Variants in DLGAP2 observed in about 807,000 individuals in gnomAD.
DLGAP2 encodes the protein disks large-associated protein 2.
In DLGAP2, 26 loss-of-function variants were observed where a neutral mutation model predicts 100.3. That is an observed-to-expected ratio of 0.26 (90% confidence interval 0.19 to 0.36). The LOEUF is 0.36. DLGAP2 is among the 10% of genes least tolerant of loss of function. The probability of loss-of-function intolerance (pLI) is 1.00; values close to 1 mark genes in which losing one functional copy is unlikely to be tolerated. For missense variants in DLGAP2, 1,858 were observed against 1,453.2 expected, an observed-to-expected ratio of 1.28 and a Z score of -4.53; for synonymous variants, 886 against 630.1, an observed-to-expected ratio of 1.41 and a Z score of -6.08.
chr8:1,198,127 T>C (rs528975178), intron 2 of DLGAP2, among the ~76,000 whole-genome samples: 10 of 152,134 alleles, frequency 6.6e-5, no homozygotes, highest in African/African-American at 2.4e-4. Context: ...CGTGTGTGCG[T>C]GTGGGTGTGT....
At chr8:1,299,523 C>A (rs181954063) in intron 3 of DLGAP2, among the ~76,000 whole-genome samples, 1 of 152,168 alleles carries the variant, frequency 6.6e-6, no homozygotes, top group Non-Finnish European at 1.5e-5. Context: ...TAGGGAGGAA[C>A]GGTCCATGCC....
At chr8:1,315,849 C>G (rs79353904) in intron 3 of DLGAP2, among the ~76,000 whole-genome samples, 6,028 of 45,822 alleles carry the variant, frequency 0.13, no homozygotes, top group East Asian at 0.24. Context: ...AAAATAGAGC[C>G]TGTGCGAGTG....
At chr8:1,145,210 C>G (rs996816944) in intron 2 of DLGAP2, among the ~76,000 whole-genome samples, 1 of 152,082 alleles carries the variant, frequency 6.6e-6, no homozygotes, top group African/African-American at 2.4e-5. Flanking sequence ...CAGCTTCCCT[C>G]CAGCCACTGT....
intron 3 of DLGAP2, among the ~76,000 whole-genome samples, chr8:1,496,847 G>A (rs1799563269): frequency 6.6e-6 from 1 of 152,222 alleles, no homozygotes; most frequent in South Asian, 2.1e-4. Context: ...TGCTGGAGGA[G>A]GGTTGGGTGT....
chr8:948,589 G>T (rs1312180234), intron 2 of DLGAP2, among the ~76,000 whole-genome samples: 1 of 152,240 alleles, frequency 6.6e-6, no homozygotes, highest in Non-Finnish European at 1.5e-5. Context: ...GAAGTAAGCG[G>T]TGACAGTGGG....
intron 3 of DLGAP2, among the ~76,000 whole-genome samples, chr8:1,327,337 G>A (rs1032816956): frequency 2.0e-5 from 3 of 152,228 alleles, no homozygotes; most frequent in Non-Finnish European, 4.4e-5. Context: ...GGGGACTGCA[G>A]TGGGTTTCAT....
intron 1 of DLGAP2, among the ~76,000 whole-genome samples, chr8:829,590 G>A (rs149511991): frequency 1.6e-4 from 24 of 152,190 alleles, no homozygotes; most frequent in East Asian, 5.8e-4. Flanking sequence ...TCTAGAAATC[G>A]TGAAAACTAT....
At chr8:1,050,723 G>A (rs1034460259) in intron 2 of DLGAP2, among the ~76,000 whole-genome samples, 5 of 152,160 alleles carry the variant, frequency 3.3e-5, no homozygotes, top group African/African-American at 9.7e-5. Context: ...ACATTTTAAA[G>A]TATCTTCTCC....
chr8:1,444,897 C>T lies in DLGAP2; in HGVS notation c.107-56469C>T, dbSNP rs111406625. ...CAATTCAGGCAATTCTACTGCCTCC[C>T]GAGTAGCTGGGATTATAGGCGTGTG... On this transcript the variant is annotated intron_variant, in intron 3 of 14. Coordinates refer to ENST00000637795, the MANE Select transcript of DLGAP2 (RefSeq NM_001346810.2). 7.9e-3 allele frequency among the ~76,000 whole-genome samples: 1,185 copies of T among 150,730 alleles called. 17 individuals are homozygous for T. Among genetic ancestry groups the T allele is most frequent in the African/African-American group, 0.027 (1,120 of 41,048 alleles).
intron 2 of DLGAP2, among the ~76,000 whole-genome samples, chr8:1,131,096 G>A (rs569930432): frequency 7.2e-5 from 11 of 152,196 alleles, no homozygotes; most frequent in African/African-American, 2.6e-4. Flanking sequence ...AATGTTTTGG[G>A]AAATATAAAA....
intron 3 of DLGAP2, among the ~76,000 whole-genome samples, chr8:1,382,326 GGTT>G (rs1276799203): frequency 6.6e-6 from 1 of 152,218 alleles, no homozygotes; most frequent in Non-Finnish European, 1.5e-5. Context: ...GGAGAAGAGG[GGTT>G]GTTCCCACAG....
chr8:1,166,347 C>A (rs538605705), intron 2 of DLGAP2, among the ~76,000 whole-genome samples: 75 of 152,288 alleles, frequency 4.9e-4, no homozygotes, highest in Non-Finnish European at 3.5e-4. Flanking sequence ...CATTCAGGAC[C>A]GACATCTCCT....
intron 3 of DLGAP2, among the ~76,000 whole-genome samples, chr8:1,389,926 C>T (rs534485154): frequency 2.6e-4 from 40 of 152,186 alleles, no homozygotes; most frequent in African/African-American, 4.8e-4. Context: ...AGAGGGGCCG[C>T]GGAGCACCCA....
chr8:1,428,415 T>G (rs970594746), intron 3 of DLGAP2, among the ~76,000 whole-genome samples: 2 of 150,610 alleles, frequency 1.3e-5, no homozygotes, highest in African/African-American at 2.4e-5. Flanking sequence ...TCTCTTTCCT[T>G]GAGAGAGAGA....
At chr8:860,143 T>A (rs930842956) in intron 1 of DLGAP2, among the ~76,000 whole-genome samples, 1 of 152,250 alleles carries the variant, frequency 6.6e-6, no homozygotes, top group Non-Finnish European at 1.5e-5. Context: ...TTGCTGTAGA[T>A]GCTGTCATGG....
intron 2 of DLGAP2, among the ~76,000 whole-genome samples, chr8:1,140,547 C>G (rs1158077689): frequency 6.6e-6 from 1 of 152,176 alleles, no homozygotes; most frequent in African/African-American, 2.4e-5. Context: ...CTCACTCAGC[C>G]GGGCTGGGAG....
At chr8:1,284,565 T>A (rs1799885079) in intron 3 of DLGAP2, among the ~76,000 whole-genome samples, 1 of 152,180 alleles carries the variant, frequency 6.6e-6, no homozygotes, top group East Asian at 1.9e-4. Context: ...TCTCAATTCT[T>A]TTTATTGCTC....
At chr8:897,748 G>C (rs930258349) in intron 1 of DLGAP2, among the ~76,000 whole-genome samples, 1 of 152,036 alleles carries the variant, frequency 6.6e-6, no homozygotes, top group Non-Finnish European at 1.5e-5. Context: ...AGCCAGAAGC[G>C]AGCACCGCAG....
chr8:1,466,186 G>A (rs958820271), intron 3 of DLGAP2, among the ~76,000 whole-genome samples: 4 of 152,148 alleles, frequency 2.6e-5, no homozygotes, highest in Admixed American at 2.0e-4. Flanking sequence ...TAGTCAGAGG[G>A]GTCAAACCGA....
Sources: allele counts gnomAD v4.1 joint callset (sites outside exome capture counted in the v4.1 genomes callset), GRCh38; gene constraint gnomAD v4.1.1; transcripts MANE v1.5; gene names NCBI Gene and HGNC (gene_info 2026-07-23, HGNC 2026-07-21).